The following INIP variants were observed in gnomAD, a reference collection of about 807,000 sequenced individuals.
INIP encodes the protein INTS3 and NABP interacting protein.
Under a neutral mutation model 14.0 loss-of-function variants are expected in INIP, and 9 were observed. That is an observed-to-expected ratio of 0.64 (90% CI 0.39 to 1.12). The LOEUF is 1.12. Among genes scored for constraint, INIP ranks in the 50% most tolerant of loss-of-function variants. The pLI, the probability that INIP is intolerant of heterozygous loss-of-function variation, is 0.01. For missense variants in INIP, 78 were observed against 122.7 expected (o/e 0.64, Z 1.72); for synonymous variants, 37 against 41.5 (o/e 0.89, Z 0.41).
intron 3 of INIP, among the ~76,000 whole-genome samples, chr9:112,692,562 G>A (rs748902579): frequency 7.2e-5 from 11 of 152,064 alleles, no homozygotes; most frequent in Non-Finnish European, 1.0e-4. Context: ...GGGATTACAG[G>A]CGTGAGCCAC....
At position 112,686,301 on chromosome 9, in the gene INIP, T is replaced by A. The variant is rs914803150; in HGVS notation, c.*1237A>T. On this transcript the variant is annotated 3_prime_UTR_variant, in exon 5 of 5. Coordinates refer to ENST00000374242, the MANE Select transcript of INIP (RefSeq NM_021218.3). Reference sequence around the variant, plus strand: ...TATCACGAAAATCTGTACAAGATATTTCATAGAATTCTCTATCTCATGGTT... The same window carrying A: ...TATCACGAAAATCTGTACAAGATATATCATAGAATTCTCTATCTCATGGTT... The A allele has an allele frequency of 1.3e-5, 2 of 152,160 alleles. No individual in the cohort carries two copies. The highest frequency in any genetic ancestry group is 6.5e-5 in the Admixed American group (1 of 15,272). 9.4% of individuals were successfully genotyped at this position (152,160 alleles called of 1,614,324 possible). A position where few individuals can be genotyped will look rare whatever the true frequency, so the allele number is the denominator to read the frequency against.
At chr9:112,715,268 G>C (rs891599265) in intron 2 of INIP, among the ~76,000 whole-genome samples, 3 of 152,078 alleles carry the variant, frequency 2.0e-5, no homozygotes, top group Non-Finnish European at 2.9e-5. Flanking sequence ...TGCTCTGGGT[G>C]AGTCAGTGAG....
chr9:112,715,875 A>G (rs1480700951), intron 2 of INIP, among the ~76,000 whole-genome samples: 1 of 152,100 alleles, frequency 6.6e-6, no homozygotes, highest in Non-Finnish European at 1.5e-5. Context: ...GTTAAAAATG[A>G]AGACACAAAC....
intron 2 of INIP, among the ~76,000 whole-genome samples, chr9:112,700,963 C>CA (rs748795718): frequency 1.3e-5 from 2 of 152,022 alleles, no homozygotes; most frequent in Non-Finnish European, 2.9e-5. Context: ...AAAGAAAAAA[C>CA]AGAAAACAGA....
In INIP at chr9:112,716,626, T is replaced by G. The variant is rs1588092539; in HGVS notation, c.-56-85A>C. 4 of 726,524 alleles carry G rather than the reference T, an allele frequency of 5.5e-6. No individual in the cohort carries two copies. In the East Asian group the frequency reaches 1.1e-4, roughly 20 times the overall value. The allele number at this position is 726,524 out of a possible 1,614,324, so 45.0% of individuals were successfully genotyped here. A position where few individuals can be genotyped will look rare whatever the true frequency, so the allele number is the denominator to read the frequency against. ...AACAGCTAGCCTCCTTACAATGAAATGTTTGCTGTTTCTTAATCTCTTCAG... is the reference window on the plus strand; with the variant it reads ...AACAGCTAGCCTCCTTACAATGAAAGGTTTGCTGTTTCTTAATCTCTTCAG... On this transcript the variant is annotated intron_variant, in intron 1 of 4. Coordinates refer to ENST00000374242, the MANE Select transcript of INIP (RefSeq NM_021218.3).
intron 4 of INIP, among the ~76,000 whole-genome samples, chr9:112,688,073 G>GA (rs1837746459): frequency 6.7e-6 from 1 of 148,504 alleles, no homozygotes; most frequent in East Asian, 2.0e-4. Context: ...GCGACAGAGC[G>GA]AGACTCCATC....
chr9:112,695,254 A>AG (rs1838037693), intron 2 of INIP, among the ~76,000 whole-genome samples: 1 of 128,500 alleles, frequency 7.8e-6, no homozygotes, highest in Non-Finnish European at 1.7e-5. Context: ...ACAGAACTAC[A>AG]GAAAAAAAAA....
intron 2 of INIP, among the ~76,000 whole-genome samples, chr9:112,716,007 C>T (rs1328959061): frequency 2.0e-5 from 3 of 152,118 alleles, no homozygotes; most frequent in Non-Finnish European, 4.4e-5. Flanking sequence ...CTGTCATTGA[C>T]CTAAACATCA....
chr9:112,688,489 T>TAA (rs201986556), intron 4 of INIP, among the ~76,000 whole-genome samples: 3 of 135,370 alleles, frequency 2.2e-5, no homozygotes, highest in African/African-American at 2.8e-5. Context: ...CCTCTGTCAT[T>TAA]AAAAAAAAAA....
Position 112,687,642 on chromosome 9 carries a change from G to T in INIP, c.220-9C>A. On this transcript the variant is annotated splice_polypyrimidine_tract_variant and intron_variant, in intron 4 of 4. Transcript: ENST00000374242. Reference sequence around the variant, plus strand: ...GAATGTGCATGAGCATGCTGGGAAAGATTAAAAACAAAAAGGCAATTAAGC... The same window carrying T: ...GAATGTGCATGAGCATGCTGGGAAATATTAAAAACAAAAAGGCAATTAAGC... 6.7e-7 allele frequency: 1 copy of T among 1,492,144 alleles called. No individual in the cohort carries two copies. The highest frequency in any genetic ancestry group is 9.1e-7 in the Non-Finnish European group (1 of 1,094,702). 92.4% of individuals were successfully genotyped at this position (1,492,144 alleles called of 1,614,324 possible). A position where few individuals can be genotyped will look rare whatever the true frequency, so the allele number is the denominator to read the frequency against.
At position 112,684,630 on chromosome 9, in the gene INIP, T is replaced by C. The variant is rs1263325883; in HGVS notation, c.*2908A>G. On this transcript the variant is annotated 3_prime_UTR_variant, in exon 5 of 5. Coordinates refer to ENST00000374242, the MANE Select transcript of INIP (RefSeq NM_021218.3). ...AATATTCATGAGGCAAAACCACCTATTTCTATATGCAGTACACTCAGATGT... is the reference window on the plus strand; with the variant it reads ...AATATTCATGAGGCAAAACCACCTACTTCTATATGCAGTACACTCAGATGT... The C allele has an allele frequency of 6.6e-6, 1 of 152,180 alleles. No individual in the cohort carries two copies. Among genetic ancestry groups the C allele is most frequent in the Non-Finnish European group, 1.5e-5 (1 of 68,042 alleles). 9.4% of individuals were successfully genotyped at this position (152,180 alleles called of 1,614,324 possible). A position where few individuals can be genotyped will look rare whatever the true frequency, so the allele number is the denominator to read the frequency against.
chr9:112,692,190 G>A (rs1233608127), intron 3 of INIP, among the ~76,000 whole-genome samples: 1 of 152,170 alleles, frequency 6.6e-6, no homozygotes, highest in Non-Finnish European at 1.5e-5. Context: ...GCGGGTTGAG[G>A]CATCAATAAG....
chr9:112,714,912 G>A (rs537517156), intron 2 of INIP, among the ~76,000 whole-genome samples: 1 of 152,098 alleles, frequency 6.6e-6, no homozygotes, highest in Admixed American at 6.6e-5. Flanking sequence ...GGTACAGTCT[G>A]TTGCTCCAAG....
At chr9:112,702,200 G>A (rs537797034) in intron 2 of INIP, among the ~76,000 whole-genome samples, 1 of 152,262 alleles carries the variant, frequency 6.6e-6, no homozygotes, top group East Asian at 1.9e-4. Context: ...GTTTGCAGCA[G>A]TATCAATTTC....
intron 2 of INIP, among the ~76,000 whole-genome samples, chr9:112,716,054 A>AT (rs1408369720): frequency 6.6e-6 from 1 of 152,120 alleles, no homozygotes; most frequent in Non-Finnish European, 1.5e-5. Flanking sequence ...TTAGAGTTTT[A>AT]CTTTGATGTT....
chr9:112,716,610 C>T (rs1267362807), intron 1 of INIP, 69 bp from the exon 2 acceptor site: 1 of 807,676 alleles, frequency 1.2e-6, no homozygotes, highest in Non-Finnish European at 2.1e-6. Context: ...GAACAGCTAG[C>T]CTCCTTACAA....
At chr9:112,716,155 C>G (rs955045489) in intron 2 of INIP, among the ~76,000 whole-genome samples, 1 of 152,146 alleles carries the variant, frequency 6.6e-6, no homozygotes, top group African/African-American at 2.4e-5. Flanking sequence ...TCACTGCAAC[C>G]TCCGCCTCCT....
intron 2 of INIP, among the ~76,000 whole-genome samples, chr9:112,696,092 A>G (rs1203146378): frequency 3.3e-5 from 5 of 151,076 alleles, no homozygotes; most frequent in Admixed American, 1.3e-4. Flanking sequence ...GGATTTCACC[A>G]TGTTGCCCAG....
At position 112,716,492 on chromosome 9, in the gene INIP, A is replaced by G; in HGVS notation, c.-7T>C. On this transcript the variant is annotated 5_prime_UTR_variant, in exon 2 of 5. Coordinates refer to ENST00000374242, the MANE Select transcript of INIP (RefSeq NM_021218.3). ...CTGAAGAGTTTGCTGCCATTTTCCT[A>G]TTTTGTTTCAAGTATGTCCAGTGGC... 3.7e-6 allele frequency: 6 copies of G among 1,613,516 alleles called. No homozygotes were observed. Among genetic ancestry groups the G allele is most frequent in the Non-Finnish European group, 5.1e-6 (6 of 1,179,598 alleles).
Sources: allele counts gnomAD v4.1 joint callset (sites outside exome capture counted in the v4.1 genomes callset), GRCh38; gene constraint gnomAD v4.1.1; transcripts MANE v1.5; gene names NCBI Gene and HGNC (gene_info 2026-07-23, HGNC 2026-07-21).